The following PTPRM variants were observed in gnomAD, a reference collection of about 807,000 sequenced individuals.
PTPRM encodes the protein protein tyrosine phosphatase receptor type M.
In PTPRM, 47 loss-of-function variants were observed where a neutral mutation model predicts 186.7. The observed-to-expected ratio is 0.25, with a 90% CI of 0.20 to 0.32. The LOEUF is 0.32. Ranked by LOEUF, PTPRM falls within the 10% of genes least tolerant of loss-of-function variation. The pLI, the probability that PTPRM is intolerant of heterozygous loss-of-function variation, is 1.00. For missense variants in PTPRM, 1,494 were observed against 1,865.0 expected (o/e 0.80, Z 3.66); for synonymous variants, 668 against 674.9 (o/e 0.99, Z 0.16).
intron 7 of PTPRM, among the ~76,000 whole-genome samples, chr18:8,050,885 A>C (rs2087446372): frequency 1.3e-5 from 2 of 152,034 alleles, no homozygotes; most frequent in East Asian, 3.9e-4. Flanking sequence ...TTTCATATCT[A>C]GCACTAAGTT....
chr18:8,379,605 G>A (rs1160657532), intron 28 of PTPRM, among the ~76,000 whole-genome samples: 3 of 152,168 alleles, frequency 2.0e-5, no homozygotes, highest in Non-Finnish European at 4.4e-5. Flanking sequence ...CTTTTAACCT[G>A]CTGGCTGGGG....
At chr18:8,371,135 C>A (rs2095660511) in intron 24 of PTPRM, 129 bp downstream of exon 24, 1 of 517,172 alleles carries the variant, frequency 1.9e-6, no homozygotes, top group East Asian at 3.1e-5. Flanking sequence ...CTGATGGTTT[C>A]TCAAGATTGC....
chr18:8,091,716 G>GA (rs370918529), intron 11 of PTPRM, among the ~76,000 whole-genome samples: 34 of 151,848 alleles, frequency 2.2e-4, no homozygotes, highest in East Asian at 7.7e-4. Context: ...CTAGGTTGGG[G>GA]AAAAAAATGT....
At chr18:7,826,739 T>C (rs2045504524) in intron 2 of PTPRM, among the ~76,000 whole-genome samples, 1 of 152,218 alleles carries the variant, frequency 6.6e-6, no homozygotes, top group Non-Finnish European at 1.5e-5. Flanking sequence ...AAACAACTTT[T>C]TGTTGTGTTT....
chr18:8,265,565 A>T (rs894142815), intron 19 of PTPRM, among the ~76,000 whole-genome samples: 5 of 151,350 alleles, frequency 3.3e-5, no homozygotes, highest in Non-Finnish European at 7.4e-5. Context: ...CAATGGAATG[A>T]TACAAAATAA....
intron 7 of PTPRM, among the ~76,000 whole-genome samples, chr18:7,991,837 C>T (rs770786803): frequency 2.6e-5 from 4 of 151,788 alleles, no homozygotes; most frequent in Admixed American, 6.6e-5. Flanking sequence ...AGTAGGAAGC[C>T]GAAAACTTAA....
intron 31 of PTPRM, among the ~76,000 whole-genome samples, chr18:8,387,503 G>GA (rs113920545): frequency 0.79 from 117,749 of 149,692 alleles, 46,586 homozygotes; most frequent in African/African-American, 0.87. Context: ...ACTGCCAAGA[G>GA]GAAAAAAAAA....
chr18:8,355,280 G>A (rs959295071), intron 23 of PTPRM, among the ~76,000 whole-genome samples: 1 of 152,160 alleles, frequency 6.6e-6, no homozygotes, highest in Non-Finnish European at 1.5e-5. Flanking sequence ...AGGTTGAAGG[G>A]ATTTGTCAAT....
At chr18:8,278,171 G>T (rs1199645120) in intron 19 of PTPRM, among the ~76,000 whole-genome samples, 1 of 152,190 alleles carries the variant, frequency 6.6e-6, no homozygotes, top group African/African-American at 2.4e-5. Flanking sequence ...AGAAAGACAT[G>T]CCTGGCATCT....
At chr18:7,887,575 T>C (rs903356958) in intron 2 of PTPRM, among the ~76,000 whole-genome samples, 2 of 152,156 alleles carry the variant, frequency 1.3e-5, no homozygotes, top group Non-Finnish European at 2.9e-5. Flanking sequence ...CCCAATCTTT[T>C]GTCTTTCTCT....
chr18:8,199,059 G>A lies in PTPRM; in HGVS notation c.2301-44999G>A, dbSNP rs180855897. On this transcript the variant is annotated intron_variant, in intron 14 of 32. Transcript: ENST00000580170. ...GATCAGATCATGCCTGCTCCATCTCGGCGGGCTCATCTTCTCTCGCCCCCA... is the reference window on the plus strand; with the variant it reads ...GATCAGATCATGCCTGCTCCATCTCAGCGGGCTCATCTTCTCTCGCCCCCA... 1.9e-4 allele frequency among the ~76,000 whole-genome samples: 29 copies of A among 152,116 alleles called. 1 individual carries two copies. In the Middle Eastern group the frequency reaches 0.01, roughly 54 times the overall value.
intron 2 of PTPRM, among the ~76,000 whole-genome samples, chr18:7,808,741 G>C (rs2044360193): frequency 6.6e-6 from 1 of 152,192 alleles, no homozygotes; most frequent in Non-Finnish European, 1.5e-5. Flanking sequence ...TGGATAGGAA[G>C]TTAAACTCTA....
At chr18:8,191,328 CATACTT>C (rs113385218) in intron 14 of PTPRM, among the ~76,000 whole-genome samples, 6,250 of 152,192 alleles carry the variant, frequency 0.041, 433 homozygotes, top group African/African-American at 0.14. Flanking sequence ...CTAGGGAGCA[CATACTT>C]GAGTACTGCA....
chr18:7,603,085 G>C (rs2037447194), intron 1 of PTPRM, among the ~76,000 whole-genome samples: 6 of 151,586 alleles, frequency 4.0e-5, no homozygotes, highest in African/African-American at 1.5e-4. Flanking sequence ...CCGCCACCAC[G>C]CCTGGCTAAT....
intron 1 of PTPRM, among the ~76,000 whole-genome samples, chr18:7,607,849 G>A (rs547525320): frequency 6.6e-6 from 1 of 152,332 alleles, no homozygotes; most frequent in East Asian, 1.9e-4. Context: ...CACTGAACAC[G>A]ATTTCCTTTT....
chr18:8,197,402 C>A (rs1036569687), intron 14 of PTPRM, among the ~76,000 whole-genome samples: 10 of 152,116 alleles, frequency 6.6e-5, no homozygotes, highest in South Asian at 2.1e-4. Context: ...TCTTAAATTT[C>A]TTTATAGTTA....
At chr18:8,224,809 A>G (rs538797777) in intron 14 of PTPRM, among the ~76,000 whole-genome samples, 3 of 152,268 alleles carry the variant, frequency 2.0e-5, no homozygotes, top group Admixed American at 2.0e-4. Flanking sequence ...CTGTCATTTA[A>G]CGCGTCCCTC....
At chr18:7,726,263 T>C (rs2035981705) in intron 1 of PTPRM, among the ~76,000 whole-genome samples, 1 of 152,202 alleles carries the variant, frequency 6.6e-6, no homozygotes, top group African/African-American at 2.4e-5. Flanking sequence ...TCTTTTTTTG[T>C]TCATGGTGGT....
intron 1 of PTPRM, among the ~76,000 whole-genome samples, chr18:7,765,840 A>G (rs2041991439): frequency 2.0e-5 from 3 of 152,136 alleles, no homozygotes; most frequent in Admixed American, 1.3e-4. Flanking sequence ...AATGAGAAAA[A>G]TTTTCCAGAA....
Sources: gnomAD v4.1 joint callset for allele counts (sites outside exome capture counted in the v4.1 genomes callset) on GRCh38, gnomAD v4.1.1 for gene constraint, MANE v1.5 for transcripts, NCBI Gene and HGNC (gene_info 2026-07-23, HGNC 2026-07-21) for gene names.